The following ANKS1B variants were observed in gnomAD, a reference collection of about 807,000 sequenced individuals.
ANKS1B encodes the protein ankyrin repeat and sterile alpha motif domain containing 1B, also known as ankyrin repeat and sterile alpha motif domain-containing protein 1B.
ANKS1B carries 36 observed loss-of-function variants against 148.3 expected under a neutral mutation model. The ratio of observed to expected loss-of-function variants is 0.24; its 90% CI spans 0.19 to 0.32. The LOEUF is 0.32. ANKS1B is among the 10% of genes least tolerant of loss of function. ANKS1B has a pLI of 1.00. For missense variants in ANKS1B, 1,157 were observed against 1,542.6 expected, an observed-to-expected ratio of 0.75 and a Z score of 4.19; for synonymous variants, 542 against 560.8, an observed-to-expected ratio of 0.97 and a Z score of 0.47.
At chr12:99,807,562 G>C (rs11110055) in intron 3 of ANKS1B, among the ~76,000 whole-genome samples, 14,337 of 152,148 alleles carry the variant, frequency 0.094, 761 homozygotes, top group South Asian at 0.12. Flanking sequence ...CCGTAAATGA[G>C]GGTTCTGGAA....
chr12:99,828,749 T>C (rs1175990977), intron 1 of ANKS1B, among the ~76,000 whole-genome samples: 1 of 152,208 alleles, frequency 6.6e-6, no homozygotes, highest in African/African-American at 2.4e-5. Flanking sequence ...GGTTCTCGCC[T>C]GTAATCCCAG....
chr12:99,330,256 G>GA (rs1167082526), intron 12 of ANKS1B, among the ~76,000 whole-genome samples: 2 of 151,910 alleles, frequency 1.3e-5, no homozygotes, highest in African/African-American at 4.8e-5. Context: ...CATTGTTCTT[G>GA]AAAGAGTTAA....
chr12:99,053,650 G>C (rs887285841), intron 16 of ANKS1B, among the ~76,000 whole-genome samples: 8 of 152,188 alleles, frequency 5.3e-5, no homozygotes, highest in Non-Finnish European at 1.0e-4. Flanking sequence ...CATTAAATTC[G>C]ATGCGAAAGT....
chr12:99,766,084 C>T (rs569211101), intron 8 of ANKS1B, among the ~76,000 whole-genome samples: 1 of 152,114 alleles, frequency 6.6e-6, no homozygotes, highest in African/African-American at 2.4e-5. Context: ...AATTCATCTC[C>T]AAATAATTAA....
At chr12:99,442,980 T>C (rs536715651) in intron 11 of ANKS1B, among the ~76,000 whole-genome samples, 1 of 151,862 alleles carries the variant, frequency 6.6e-6, no homozygotes, top group African/African-American at 2.4e-5. Context: ...AAAAATATAA[T>C]GCAAACAGCT....
chr12:99,542,876 AC>A (rs1219729350), intron 9 of ANKS1B, among the ~76,000 whole-genome samples: 8 of 152,148 alleles, frequency 5.3e-5, no homozygotes, highest in Non-Finnish European at 1.0e-4. Flanking sequence ...GGTAAACTCT[AC>A]AAAACTCTTG....
chr12:99,554,785 A>T (rs1369469858), intron 9 of ANKS1B, among the ~76,000 whole-genome samples: 1 of 152,164 alleles, frequency 6.6e-6, no homozygotes, highest in African/African-American at 2.4e-5. Context: ...AGTACAAATT[A>T]TTTTGTCATC....
At chr12:99,757,346 G>T (rs918873345) in intron 8 of ANKS1B, among the ~76,000 whole-genome samples, 2 of 152,006 alleles carry the variant, frequency 1.3e-5, no homozygotes, top group Non-Finnish European at 2.9e-5. Flanking sequence ...TGAAAAAAAT[G>T]TGCAACATCA....
chr12:98,889,914 A>G (rs2099748664), intron 17 of ANKS1B, among the ~76,000 whole-genome samples: 1 of 152,150 alleles, frequency 6.6e-6, no homozygotes, highest in South Asian at 2.1e-4. Flanking sequence ...AAGAGGAACG[A>G]GTTTCTGGGA....
chr12:99,401,717 G>C (rs2094409452), intron 11 of ANKS1B, among the ~76,000 whole-genome samples: 1 of 146,512 alleles, frequency 6.8e-6, no homozygotes, highest in East Asian at 1.9e-4. Flanking sequence ...AAACGAGGTG[G>C]GAGGATGGAT....
At chr12:98,867,566 A>G (rs893975686) in intron 17 of ANKS1B, among the ~76,000 whole-genome samples, 6 of 152,200 alleles carry the variant, frequency 3.9e-5, no homozygotes, top group African/African-American at 1.4e-4. Flanking sequence ...GTCTTTTAGA[A>G]TGTAAGTCAG....
chr12:99,625,181 G>A (rs896013803), intron 9 of ANKS1B, among the ~76,000 whole-genome samples: 6 of 151,960 alleles, frequency 3.9e-5, no homozygotes, highest in African/African-American at 1.2e-4. Context: ...CTCATAAAGC[G>A]GGAGTTAAAT....
chr12:99,688,875 A>G (rs1170384670), intron 8 of ANKS1B, among the ~76,000 whole-genome samples: 1 of 146,470 alleles, frequency 6.8e-6, no homozygotes. Context: ...AGCAAGTGCT[A>G]AATTTAAAAA....
intron 17 of ANKS1B, among the ~76,000 whole-genome samples, chr12:99,001,819 G>A (rs1393330862): frequency 6.6e-6 from 1 of 152,066 alleles, no homozygotes; most frequent in African/African-American, 2.4e-5. Context: ...TCCTACCTCT[G>A]GATCTCTGGT....
intron 16 of ANKS1B, among the ~76,000 whole-genome samples, chr12:99,071,944 C>T (rs1471343513): frequency 6.6e-6 from 1 of 152,104 alleles, no homozygotes; most frequent in African/African-American, 2.4e-5. Context: ...CGTGCTCTGC[C>T]CATTTAATCT....
chr12:99,960,406 A>T lies in ANKS1B; in HGVS notation c.134+23698T>A, dbSNP rs562391406. Reference sequence around the variant, plus strand: ...ACCACAGCCAAATCATGTCTCTCTTAACCTTCCTTTCCTTCTGCTCCCTAA... The same window carrying T: ...ACCACAGCCAAATCATGTCTCTCTTTACCTTCCTTTCCTTCTGCTCCCTAA... On this transcript the variant is annotated intron_variant, in intron 1 of 26. Transcript: ENST00000683438. Among the ~76,000 whole-genome samples the T allele has an allele frequency of 2.6e-5, 4 of 152,312 alleles. No homozygotes were observed. In the South Asian group the frequency reaches 8.3e-4, roughly 32 times the overall value.
At chr12:98,771,177 A>G (rs1458487966) in intron 25 of ANKS1B, among the ~76,000 whole-genome samples, 1 of 152,016 alleles carries the variant, frequency 6.6e-6, no homozygotes, top group Admixed American at 6.5e-5. Flanking sequence ...TACAAGACCA[A>G]CTTTTTTTTT....
At chr12:99,953,957 TA>T (rs140951978) in intron 1 of ANKS1B, among the ~76,000 whole-genome samples, 10,171 of 152,122 alleles carry the variant, frequency 0.067, 403 homozygotes, top group Non-Finnish European at 0.081. Context: ...GTAAATGTAA[TA>T]GGGGGTTTGT....
intron 8 of ANKS1B, among the ~76,000 whole-genome samples, chr12:99,740,316 AAAAAC>A (rs1325292472): frequency 8.0e-6 from 1 of 125,304 alleles, no homozygotes; most frequent in African/African-American, 3.0e-5. Context: ...TCTCAAAAAC[AAAAAC>A]AAAAACAAAA....
Sources: gnomAD v4.1 joint callset for allele counts (sites outside exome capture counted in the v4.1 genomes callset) on GRCh38, gnomAD v4.1.1 for gene constraint, MANE v1.5 for transcripts, NCBI Gene and HGNC (gene_info 2026-07-23, HGNC 2026-07-21) for gene names.